Variants in ACOT7 observed in about 807,000 individuals in gnomAD.
The protein encoded by ACOT7 is cytosolic acyl coenzyme A thioester hydrolase.
ACOT7 carries 12 observed loss-of-function variants against 40.2 expected under a neutral mutation model. That is an observed-to-expected ratio of 0.30 (90% CI 0.19 to 0.48). ACOT7 has a LOEUF of 0.48. Among genes scored for constraint, ACOT7 ranks in the 20% least tolerant of loss-of-function variants. The probability of loss-of-function intolerance (pLI) is 0.99; values close to 1 mark genes in which losing one functional copy is unlikely to be tolerated. For missense variants in ACOT7, 395 were observed against 530.8 expected, an observed-to-expected ratio of 0.74 and a Z score of 2.51; for synonymous variants, 228 against 219.5, an observed-to-expected ratio of 1.04 and a Z score of -0.34.
intron 1 of ACOT7, among the ~76,000 whole-genome samples, chr1:6,388,442 C>G (rs1642476026): frequency 6.6e-6 from 1 of 150,548 alleles, no homozygotes; most frequent in South Asian, 2.2e-4. Context: ...CATTATAAAA[C>G]CAAAGACAGA....
intron 8 of ACOT7, among the ~76,000 whole-genome samples, chr1:6,280,167 C>T (rs1463770142): frequency 6.6e-6 from 1 of 152,244 alleles, no homozygotes. Flanking sequence ...TGCGGGCACC[C>T]GCCTGCTCCC....
chr1:6,316,983 C>T (rs1472121496), intron 6 of ACOT7, among the ~76,000 whole-genome samples: 1 of 152,148 alleles, frequency 6.6e-6, no homozygotes, highest in Non-Finnish European at 1.5e-5. Context: ...TAAATGTAAG[C>T]CAGCACAGAG....
chr1:6,310,265 G>A (rs1029175790), intron 6 of ACOT7, among the ~76,000 whole-genome samples: 1 of 152,198 alleles, frequency 6.6e-6, no homozygotes. Flanking sequence ...CAGACCTCAG[G>A]GGCACACCCA....
intron 6 of ACOT7, among the ~76,000 whole-genome samples, chr1:6,302,368 C>T (rs1238498184): frequency 3.3e-5 from 5 of 152,124 alleles, no homozygotes; most frequent in African/African-American, 7.2e-5. Flanking sequence ...TAACCTTTCT[C>T]GGGGAAACAC....
intron 7 of ACOT7, 111 bp from the exon 8 acceptor site, chr1:6,281,397 C>T: frequency 1.2e-6 from 1 of 852,602 alleles, no homozygotes; most frequent in Non-Finnish European, 1.9e-6. Flanking sequence ...GAAGCAGTGG[C>T]TTGGCTGACT....
chr1:6,387,503 A>T (rs1434741940), intron 1 of ACOT7, among the ~76,000 whole-genome samples: 2 of 152,170 alleles, frequency 1.3e-5, no homozygotes, highest in East Asian at 1.9e-4. Flanking sequence ...AGACTTCCCC[A>T]GTTATTCCCA....
At position 6,288,994 on chromosome 1, in the gene ACOT7, C is replaced by T. The variant is rs1453652396; in HGVS notation, c.829+5870G>A. ...TCACTCTCCCAAGGAGGCAGTTTTA[C>T]GGGAGGCTGAAGGAGAGAAAGCAAA... On this transcript the variant is annotated intron_variant, in intron 7 of 8. Coordinates refer to ENST00000361521, the MANE Select transcript of ACOT7 (RefSeq NM_007274.4). The surrounding 1 kb of genome is among the most constrained non-coding windows in gnomAD (Gnocchi z 4.3). Among the ~76,000 whole-genome samples the T allele has an allele frequency of 1.3e-5, 2 of 152,344 alleles. No homozygotes were observed. The highest frequency in any genetic ancestry group is 3.4e-3 in the Middle Eastern group (1 of 294).
intron 6 of ACOT7, chr1:6,295,620 C>A (rs1639792408): frequency 6.6e-6 from 1 of 152,264 alleles, no homozygotes; most frequent in East Asian, 1.9e-4. Context: ...ATAGACGCTG[C>A]ACTAGGAATG....
intron 8 of ACOT7, among the ~76,000 whole-genome samples, chr1:6,268,322 A>G (rs750710233): frequency 6.6e-6 from 1 of 152,200 alleles, no homozygotes; most frequent in Non-Finnish European, 1.5e-5. Flanking sequence ...GTCAACGCAT[A>G]AGACTGGCCC....
At chr1:6,267,820 C>T (rs1173183093) in intron 8 of ACOT7, among the ~76,000 whole-genome samples, 1 of 152,190 alleles carries the variant, frequency 6.6e-6, no homozygotes, top group East Asian at 1.9e-4. Flanking sequence ...GGAAACCAGC[C>T]CAGCATCTTC....
intron 2 of ACOT7, among the ~76,000 whole-genome samples, chr1:6,344,538 G>A (rs895794777): frequency 1.5e-4 from 23 of 152,112 alleles, no homozygotes; most frequent in Non-Finnish European, 2.9e-5. Flanking sequence ...GGCCGAGGCA[G>A]GTGGATCACA....
At chr1:6,343,248 G>A (rs572986203) in intron 2 of ACOT7, among the ~76,000 whole-genome samples, 11 of 152,262 alleles carry the variant, frequency 7.2e-5, no homozygotes, top group African/African-American at 4.8e-5. Flanking sequence ...ACCGCCTGCC[G>A]CCCCCAAAGC....
At chr1:6,360,209 G>A (rs1571342200) in intron 1 of ACOT7, among the ~76,000 whole-genome samples, 1 of 152,272 alleles carries the variant, frequency 6.6e-6, no homozygotes, top group South Asian at 2.1e-4. Flanking sequence ...GCCCAGGGAT[G>A]CTTAATGTCT....
rs145313327 is a variant in ACOT7 at position 6,318,882 on chromosome 1, G to A, written c.626-304C>T. ...GAAACACCTCAAAGCTGTGAGTCCCGGGGCTGCGTGTGACCCTCCACCAGG... is the reference window on the plus strand; with the variant it reads ...GAAACACCTCAAAGCTGTGAGTCCCAGGGCTGCGTGTGACCCTCCACCAGG... On this transcript the variant is annotated intron_variant, in intron 5 of 8. Transcript: ENST00000361521. Among the ~76,000 whole-genome samples, 526 of 152,290 alleles carry A rather than the reference G, an allele frequency of 3.5e-3. 2 individuals are homozygous for A. The highest frequency in any genetic ancestry group is 0.012 in the African/African-American group (494 of 41,556).
intron 1 of ACOT7, among the ~76,000 whole-genome samples, chr1:6,350,854 C>T (rs1641571022): frequency 6.6e-6 from 1 of 152,360 alleles, no homozygotes; most frequent in Admixed American, 6.5e-5. Flanking sequence ...CTGGCTCTGG[C>T]TCTTACTTGC....
intron 2 of ACOT7, among the ~76,000 whole-genome samples, chr1:6,339,832 C>T (rs995132249): frequency 2.6e-5 from 4 of 151,168 alleles, no homozygotes; most frequent in Admixed American, 2.0e-4. Context: ...CTCAGCCTCC[C>T]GGGTTCACGA....
In ACOT7 at chr1:6,358,967, AC is replaced by A. The variant is rs1485578614; in HGVS notation, c.144-9102del. On this transcript the variant is annotated intron_variant, in intron 1 of 8. Transcript: ENST00000361521. This position sits in a 1 kb window ranked among gnomAD's most constrained non-coding sequence, Gnocchi z 4.1. ...TGCCACACCGGGCTTGGTGGGGAGC[AC>A]CCCCCACCCCCAGCTTCCTGAGCTG... The A allele has an allele frequency of 5.6e-5, 82 of 1,453,154 alleles. No homozygotes were observed. The highest frequency in any genetic ancestry group is 6.6e-5 in the Admixed American group (3 of 45,224). The allele number at this position is 1,453,154 out of a possible 1,614,324, so 90.0% of individuals were successfully genotyped here.
intron 2 of ACOT7, among the ~76,000 whole-genome samples, chr1:6,347,141 G>A (rs184460807): frequency 2.0e-5 from 3 of 150,264 alleles, no homozygotes; most frequent in Non-Finnish European, 4.5e-5. Flanking sequence ...CCCACCTAGG[G>A]CCCCAGCAAA....
At position 6,338,780 on chromosome 1, in the gene ACOT7, G is replaced by A. The variant is rs1021202388; in HGVS notation, c.418+653C>T. 6.6e-6 allele frequency among the ~76,000 whole-genome samples: 1 copy of A among 152,114 alleles called. No individual in the cohort carries two copies. The highest frequency in any genetic ancestry group is 1.5e-5 in the Non-Finnish European group (1 of 68,020). On this transcript the variant is annotated intron_variant, in intron 3 of 8. Transcript: ENST00000361521. This position sits in a 1 kb window ranked among gnomAD's most constrained non-coding sequence, Gnocchi z 4.4. ...GGGAGGTGGCAGGGAGAGGACCAGG[G>A]GCAGGGGAAGAGGCCCGCCTTCCCC...
Sources: gnomAD v4.1 joint callset for allele counts (sites outside exome capture counted in the v4.1 genomes callset) on GRCh38, gnomAD v4.1.1 for gene constraint, Gnocchi (gnomAD v3.1) non-coding constraint, MANE v1.5 for transcripts, NCBI Gene and HGNC (gene_info 2026-07-23, HGNC 2026-07-21) for gene names.